Variants in FBXW11 observed in about 807,000 individuals in gnomAD.
FBXW11 encodes the protein F-box and WD repeat domain containing 11.
FBXW11 carries 19 observed loss-of-function variants against 77.6 expected under a neutral mutation model. That is an observed-to-expected ratio of 0.24 (90% CI 0.17 to 0.36). The LOEUF (loss-of-function observed/expected upper bound fraction) is 0.36. Among genes scored for constraint, FBXW11 ranks in the 10% least tolerant of loss-of-function variants. The probability of loss-of-function intolerance (pLI) is 1.00; values close to 1 mark genes in which losing one functional copy is unlikely to be tolerated. For missense variants in FBXW11, 334 were observed against 704.2 expected (o/e 0.47, Z 5.95); for synonymous variants, 235 against 249.4 (o/e 0.94, Z 0.54).
intron 1 of FBXW11, among the ~76,000 whole-genome samples, chr5:171,992,890 A>G (rs1402780512): frequency 1.3e-5 from 2 of 152,088 alleles, no homozygotes; most frequent in African/African-American, 2.4e-5. Flanking sequence ...AAGAGGCCAC[A>G]AGGAAGCAAG....
chr5:171,891,689 C>T, intron 6 of FBXW11, 85 bp from the exon 7 acceptor site: 1 of 1,363,582 alleles, frequency 7.3e-7, no homozygotes, highest in Non-Finnish European at 1.0e-6. Context: ...CTTCCAGAAA[C>T]AGCATACCAC....
At chr5:172,002,661 T>G (rs190506215) in intron 1 of FBXW11, among the ~76,000 whole-genome samples, 20 of 150,570 alleles carry the variant, frequency 1.3e-4, no homozygotes, top group African/African-American at 4.9e-4. Flanking sequence ...ACATTTCCAG[T>G]AACTTCATTT....
At chr5:171,924,765 A>ACCCCCCCCCCCCCCCCCC (rs1425916355) in intron 2 of FBXW11, among the ~76,000 whole-genome samples, 1 of 37,856 alleles carries the variant, frequency 2.6e-5, no homozygotes, top group South Asian at 1.1e-3. Context: ...AACACGTCCC[A>ACCCCCCCCCCCCCCCCCC]CCCCCCCACC....
At chr5:171,883,880 GTTCA>G (rs1221421078) in intron 7 of FBXW11, among the ~76,000 whole-genome samples, 1 of 152,024 alleles carries the variant, frequency 6.6e-6, no homozygotes, top group Non-Finnish European at 1.5e-5. Context: ...ATTTGTTTGA[GTTCA>G]TTGTGTTTGT....
chr5:171,920,674 G>A (rs1166987568), intron 2 of FBXW11, among the ~76,000 whole-genome samples: 3 of 152,010 alleles, frequency 2.0e-5, no homozygotes, highest in African/African-American at 4.8e-5. Context: ...ACTCCAGCCC[G>A]GGCAACAGAG....
chr5:171,916,466 G>C lies in FBXW11; in HGVS notation c.148-2061C>G, dbSNP rs918911578. 33 of 985,298 alleles carry C rather than the reference G, an allele frequency of 3.3e-5. No homozygotes were observed. The African/African-American group carries it at 5.8e-4, about 17-fold the overall frequency. The allele number at this position is 985,298 out of a possible 1,614,324, so 61.0% of individuals were successfully genotyped here. A position where few individuals can be genotyped will look rare whatever the true frequency, so the allele number is the denominator to read the frequency against. On this transcript the variant is annotated intron_variant, in intron 2 of 13. Transcript: ENST00000517395. The stretch of plus-strand genomic sequence containing the variant: ...ATGTGAAAATCAACCATGAGCTAGA[G>C]AGGAAGGCAGTGTGTCCAAGAGTCC...
chr5:171,951,458 G>A (rs918873447), intron 2 of FBXW11, among the ~76,000 whole-genome samples: 1 of 152,076 alleles, frequency 6.6e-6, no homozygotes, highest in East Asian at 1.9e-4. Flanking sequence ...GATCACTTGA[G>A]CTTGGGAGGT....
chr5:171,976,392 T>C (rs1309306235), intron 1 of FBXW11, among the ~76,000 whole-genome samples: 4 of 152,186 alleles, frequency 2.6e-5, no homozygotes, highest in African/African-American at 7.2e-5. Context: ...GTAATTCTCA[T>C]TTGCTCTTCC....
intron 2 of FBXW11, among the ~76,000 whole-genome samples, chr5:171,926,651 C>T (rs548520562): frequency 2.6e-5 from 4 of 151,894 alleles, no homozygotes; most frequent in African/African-American, 9.7e-5. Context: ...GCCAAGCAGA[C>T]GCTGCCATGC....
intron 1 of FBXW11, among the ~76,000 whole-genome samples, chr5:171,968,926 T>C (rs1764372303): frequency 6.6e-6 from 1 of 152,180 alleles, no homozygotes; most frequent in Non-Finnish European, 1.5e-5. Context: ...CTTACCCTAC[T>C]TTCATTTAAC....
chr5:171,865,284 A>G (rs771348789), intron 13 of FBXW11, among the ~76,000 whole-genome samples: 1 of 141,048 alleles, frequency 7.1e-6, no homozygotes, highest in South Asian at 2.3e-4. Flanking sequence ...AAGTATAATT[A>G]AAAAAAAAAA....
intron 4 of FBXW11, among the ~76,000 whole-genome samples, chr5:171,910,280 G>A (rs1760800378): frequency 6.6e-6 from 1 of 151,896 alleles, no homozygotes; most frequent in Non-Finnish European, 1.5e-5. Context: ...TGGCCAGGCT[G>A]GTATCAAACT....
chr5:171,993,784 T>C (rs975741263), intron 1 of FBXW11, among the ~76,000 whole-genome samples: 2 of 152,140 alleles, frequency 1.3e-5, no homozygotes, highest in Non-Finnish European at 2.9e-5. Flanking sequence ...TTTCTGTGAG[T>C]GTTAAACCAA....
intron 1 of FBXW11, 126 bp downstream of exon 1, chr5:172,006,332 G>C: frequency 1.3e-6 from 1 of 786,488 alleles, no homozygotes; most frequent in Non-Finnish European, 1.8e-6. Context: ...GGAAGGCTGG[G>C]GGCCCGGGTC....
intron 2 of FBXW11, among the ~76,000 whole-genome samples, chr5:171,932,954 CAAAAAAAAAAAAA>C (rs59324690): frequency 9.9e-5 from 5 of 50,252 alleles, no homozygotes; most frequent in African/African-American, 1.4e-4. Flanking sequence ...CTGCCTCTAC[CAAAAAAAAAAAAA>C]AAAAAAAAAA....
intron 2 of FBXW11, among the ~76,000 whole-genome samples, chr5:171,916,246 A>C (rs1381711138): frequency 1.2e-5 from 1 of 80,120 alleles, no homozygotes; most frequent in Non-Finnish European, 3.0e-5. Flanking sequence ...AATTTAAAAA[A>C]AAAATGAGAA....
chr5:171,910,822 ATTAGT>A (rs1760838659), intron 3 of FBXW11, 25 bp from the exon 4 acceptor site: 12 of 1,451,524 alleles, frequency 8.3e-6, no homozygotes, highest in Non-Finnish European at 1.1e-5. Context: ...CAAAAAAAAA[ATTAGT>A]TTAACAAGGA....
At chr5:171,997,111 C>A (rs1016624641) in intron 1 of FBXW11, 1 of 1,269,072 alleles carries the variant, frequency 7.9e-7, no homozygotes, top group African/African-American at 1.5e-5. Flanking sequence ...AAAGGACAGC[C>A]TCCAAGAAAT....
chr5:171,997,596 T>C (rs1581097844), intron 1 of FBXW11, among the ~76,000 whole-genome samples: 1 of 152,278 alleles, frequency 6.6e-6, no homozygotes, highest in South Asian at 2.1e-4. Flanking sequence ...CTTCAAAACA[T>C]ATAACTGAAG....
Sources: allele counts gnomAD v4.1 joint callset (sites outside exome capture counted in the v4.1 genomes callset), GRCh38; gene constraint gnomAD v4.1.1; transcripts MANE v1.5; gene names NCBI Gene and HGNC (gene_info 2026-07-23, HGNC 2026-07-21).